Variants in NTM observed in about 807,000 individuals in gnomAD.
NTM encodes the protein neurotrimin, also known as IgLON family member 2.
A neutral mutation model predicts 42.1 loss-of-function variants in NTM; 13 were observed. The ratio of observed to expected loss-of-function variants is 0.31; its 90% CI spans 0.20 to 0.49. The LOEUF is 0.49. Among genes scored for constraint, NTM ranks in the 20% least tolerant of loss-of-function variants. The pLI, the probability that NTM is intolerant of heterozygous loss-of-function variation, is 0.99. For synonymous variants in NTM, 187 were observed against 179.2 expected (o/e 1.04, Z -0.35); for missense variants, 373 against 452.8 (o/e 0.82, Z 1.60).
In NTM at chr11:132,298,949, A is replaced by G. The variant is rs890595557; in HGVS notation, c.527-8740A>G. On this transcript the variant is annotated intron_variant, in intron 4 of 8. Coordinates refer to ENST00000683400, the MANE Select transcript of NTM (RefSeq NM_001352005.2). ...TGGCACCAGTTTGTATAATATTTTTATTGAATCTATATTTATTGCTTTATG... is the reference window on the plus strand; with the variant it reads ...TGGCACCAGTTTGTATAATATTTTTGTTGAATCTATATTTATTGCTTTATG... 1.2e-4 allele frequency among the ~76,000 whole-genome samples: 18 copies of G among 152,292 alleles called. 1 individual carries two copies. The East Asian group carries it at 3.3e-3, about 28-fold the overall frequency.
chr11:131,722,840 A>G lies in NTM; in HGVS notation c.83-188724A>G, dbSNP rs114249978. 2.9e-3 allele frequency among the ~76,000 whole-genome samples: 440 copies of G among 152,324 alleles called. 1 individual carries two copies. The highest frequency in any genetic ancestry group is 9.3e-3 in the African/African-American group (388 of 41,570). ...GTATCTTTGATCTCTAACTTTCCCA[A>G]TGAGAACAGAGTGACCCAGAAACAT... On this transcript the variant is annotated intron_variant, in intron 1 of 8. Transcript: ENST00000683400.
At chr11:131,534,035 G>A (rs2051724224) in intron 1 of NTM, 1 of 152,364 alleles carries the variant, frequency 6.6e-6, no homozygotes, top group African/African-American at 2.4e-5. Flanking sequence ...TCATCCTAAT[G>A]GCTCCTCTGG....
rs192581989 is a variant in NTM, at chr11:132,232,282, C to T, written c.526+20135C>T. Reference sequence around the variant, plus strand: ...TTATTTCACCATCTGATGATATATACCACGTTGGCAAACATTAGGGGAAAA... The same window carrying T: ...TTATTTCACCATCTGATGATATATATCACGTTGGCAAACATTAGGGGAAAA... On this transcript the variant is annotated intron_variant, in intron 4 of 8. Transcript: ENST00000683400. Among the ~76,000 whole-genome samples the T allele has an allele frequency of 2.6e-5, 4 of 151,778 alleles. No homozygotes were observed. The East Asian group carries it at 5.8e-4, about 22-fold the overall frequency.
At chr11:131,630,107 C>T (rs141093564) in intron 1 of NTM, among the ~76,000 whole-genome samples, 119 of 152,254 alleles carry the variant, frequency 7.8e-4, no homozygotes, top group African/African-American at 2.7e-3. Context: ...CCACACAACC[C>T]TCCTGCTAGC....
At chr11:132,004,989 T>C (rs1189934924) in intron 2 of NTM, among the ~76,000 whole-genome samples, 4 of 152,178 alleles carry the variant, frequency 2.6e-5, no homozygotes, top group African/African-American at 7.2e-5. Flanking sequence ...AACGGGATGC[T>C]AGGACTAAGC....
chr11:131,648,614 G>A (rs1285593768), intron 1 of NTM, among the ~76,000 whole-genome samples: 1 of 152,036 alleles, frequency 6.6e-6, no homozygotes, highest in Non-Finnish European at 1.5e-5. Context: ...TTTCCTTTAG[G>A]CATATATTGT....
At chr11:131,811,862 C>T (rs1259746085) in intron 1 of NTM, among the ~76,000 whole-genome samples, 1 of 152,186 alleles carries the variant, frequency 6.6e-6, no homozygotes, top group East Asian at 1.9e-4. Flanking sequence ...GCAATGGCCT[C>T]TAAAGATAAA....
chr11:131,748,283 A>G (rs771950390), intron 1 of NTM, among the ~76,000 whole-genome samples: 2 of 152,220 alleles, frequency 1.3e-5, no homozygotes, highest in Admixed American at 6.5e-5. Flanking sequence ...CACACTTGCC[A>G]CGCAGTCACC....
rs540170311 is a variant in NTM, at chr11:132,321,825, A to T, written c.934+7122A>T. On this transcript the variant is annotated intron_variant, in intron 7 of 8. Transcript: ENST00000683400. ...GGGAAGCCCATCAGACTAACAGCGG[A>T]TCTCTCGGCAGAAACCCTACAAGCC... Among the ~76,000 whole-genome samples, 35 of 150,216 alleles carry T rather than the reference A, an allele frequency of 2.3e-4. 1 individual carries two copies. In the East Asian group the frequency reaches 5.3e-3, roughly 23 times the overall value.
chr11:131,955,763 C>T (rs2061494650), intron 2 of NTM, among the ~76,000 whole-genome samples: 1 of 151,842 alleles, frequency 6.6e-6, no homozygotes, highest in Admixed American at 6.6e-5. Context: ...TGCCAGTGCC[C>T]CCACCAGGGA....
intron 2 of NTM, among the ~76,000 whole-genome samples, chr11:132,054,116 G>C (rs191926942): frequency 1.3e-4 from 20 of 152,370 alleles, no homozygotes; most frequent in Admixed American, 1.3e-3. Context: ...TCCAGAGGCT[G>C]AGGCAGGAGA....
chr11:131,643,419 C>G (rs544918670), intron 1 of NTM, among the ~76,000 whole-genome samples: 122 of 152,274 alleles, frequency 8.0e-4, no homozygotes, highest in Non-Finnish European at 1.5e-3. Flanking sequence ...ACTGTGTACT[C>G]GTCATGTCAG....
intron 1 of NTM, chr11:131,546,530 G>T (rs2053970085): frequency 1.3e-5 from 2 of 152,166 alleles, no homozygotes; most frequent in Non-Finnish European, 2.9e-5. Context: ...CTGGGACTCA[G>T]GAGGACAGCC....
chr11:131,856,976 T>TA (rs775519428), intron 1 of NTM, among the ~76,000 whole-genome samples: 1 of 152,342 alleles, frequency 6.6e-6, no homozygotes, highest in South Asian at 2.1e-4. Context: ...TCTCCTTTGA[T>TA]AAAAAAGCCC....
chr11:131,391,316 A>G (rs7935030), intron 1 of NTM, among the ~76,000 whole-genome samples: 16,868 of 152,024 alleles, frequency 0.11, 1,280 homozygotes, highest in African/African-American at 0.22. Flanking sequence ...CCACCTACAC[A>G]AAGCAACTAC....
At chr11:131,593,335 AG>A (rs2059545969) in intron 1 of NTM, among the ~76,000 whole-genome samples, 1 of 152,182 alleles carries the variant, frequency 6.6e-6, no homozygotes, top group Non-Finnish European at 1.5e-5. Context: ...TCAACAAGTG[AG>A]GGAGCAATTG....
chr11:131,621,030 G>T (rs2062475746), intron 1 of NTM, among the ~76,000 whole-genome samples: 1 of 152,202 alleles, frequency 6.6e-6, no homozygotes, highest in African/African-American at 2.4e-5. Flanking sequence ...GCTTGTAATT[G>T]TATGTTGAAA....
intron 1 of NTM, chr11:131,777,060 T>C: frequency 1.1e-6 from 1 of 943,914 alleles, no homozygotes; most frequent in Non-Finnish European, 1.3e-6. Flanking sequence ...AAGTTGCTTC[T>C]GCCATACATA....
At chr11:131,626,691 A>T (rs1008526880) in intron 1 of NTM, among the ~76,000 whole-genome samples, 4 of 152,216 alleles carry the variant, frequency 2.6e-5, no homozygotes, top group Non-Finnish European at 5.9e-5. Flanking sequence ...GAACCCAAGA[A>T]TCTGCAAGGA....
Sources: allele counts gnomAD v4.1 joint callset (sites outside exome capture counted in the v4.1 genomes callset), GRCh38; gene constraint gnomAD v4.1.1; transcripts MANE v1.5; gene names NCBI Gene and HGNC (gene_info 2026-07-23, HGNC 2026-07-21).